The following DGKB variants were observed in gnomAD, a reference collection of about 807,000 sequenced individuals.
The protein encoded by DGKB is 90 kDa diacylglycerol kinase.
Under a neutral mutation model 114.3 loss-of-function variants are expected in DGKB, and 67 were observed. That is an observed-to-expected ratio of 0.59 (90% CI 0.48 to 0.72). DGKB has a LOEUF of 0.72. Ranked by LOEUF, DGKB falls within the 30% of genes least tolerant of loss-of-function variation. DGKB has a pLI of 0.00. For synonymous variants in DGKB, 398 were observed against 323.1 expected (o/e 1.23, Z -2.49); for missense variants, 907 against 975.2 (o/e 0.93, Z 0.93).
chr7:14,206,531 G>A (rs576798636), intron 23 of DGKB, among the ~76,000 whole-genome samples: 1 of 152,110 alleles, frequency 6.6e-6, no homozygotes, highest in Admixed American at 6.6e-5. Context: ...AATAAGGCAA[G>A]CAATACCTGG....
intron 23 of DGKB, among the ~76,000 whole-genome samples, chr7:14,241,741 G>A (rs530223353): frequency 6.6e-6 from 1 of 151,852 alleles, no homozygotes; most frequent in South Asian, 2.1e-4. Flanking sequence ...TAACAGAAAA[G>A]GAGAACATTA....
intron 5 of DGKB, among the ~76,000 whole-genome samples, chr7:14,727,920 A>G (rs749917808): frequency 3.3e-5 from 5 of 152,226 alleles, no homozygotes; most frequent in Non-Finnish European, 5.9e-5. Context: ...CAGTAAGTCT[A>G]TTTGGTGAAA....
chr7:14,466,690 C>A (rs1184659437), intron 21 of DGKB, among the ~76,000 whole-genome samples: 6 of 151,070 alleles, frequency 4.0e-5, no homozygotes, highest in Non-Finnish European at 7.4e-5. Context: ...TGGTGGTGCA[C>A]ATCTGTAGTC....
chr7:14,357,071 T>C (rs1464737556), intron 21 of DGKB, among the ~76,000 whole-genome samples: 1 of 152,228 alleles, frequency 6.6e-6, no homozygotes, highest in Non-Finnish European at 1.5e-5. Context: ...ATGTATATTC[T>C]GTTGATTTGG....
chr7:14,603,873 T>C (rs1232742225), intron 17 of DGKB, among the ~76,000 whole-genome samples: 4 of 152,134 alleles, frequency 2.6e-5, no homozygotes, highest in Admixed American at 2.6e-4. Context: ...AAACCATCTG[T>C]ATTTTCATGA....
intron 25 of DGKB, among the ~76,000 whole-genome samples, chr7:14,166,501 G>A (rs1486606032): frequency 6.6e-6 from 1 of 152,178 alleles, no homozygotes; most frequent in Non-Finnish European, 1.5e-5. Flanking sequence ...CTGATGGAGA[G>A]AATTTAGCCA....
intron 2 of DGKB, among the ~76,000 whole-genome samples, chr7:14,761,156 CTG>C (rs1473517943): frequency 6.6e-6 from 1 of 152,130 alleles, no homozygotes; most frequent in Non-Finnish European, 1.5e-5. Flanking sequence ...AGTTTGGAAA[CTG>C]GAGCATTATC....
intron 1 of DGKB, among the ~76,000 whole-genome samples, chr7:14,921,998 A>C (rs138625737): frequency 6.6e-6 from 1 of 152,128 alleles, no homozygotes; most frequent in Admixed American, 6.6e-5. Context: ...GAACTGTAAA[A>C]ATCTTTACCA....
intron 2 of DGKB, among the ~76,000 whole-genome samples, chr7:14,840,884 C>T (rs1586844425): frequency 6.6e-6 from 1 of 152,076 alleles, no homozygotes; most frequent in African/African-American, 2.4e-5. Flanking sequence ...TACAGTATTA[C>T]CACTCTCCAT....
At chr7:14,814,656 C>G (rs749613143) in intron 2 of DGKB, among the ~76,000 whole-genome samples, 70 of 152,150 alleles carry the variant, frequency 4.6e-4, no homozygotes, top group Non-Finnish European at 6.5e-4. Context: ...ATTTCCCACT[C>G]AACATTCAAC....
chr7:14,685,715 A>G (rs1821563663), intron 9 of DGKB, among the ~76,000 whole-genome samples: 1 of 152,164 alleles, frequency 6.6e-6, no homozygotes, highest in African/African-American at 2.4e-5. Flanking sequence ...ATAAATAAAT[A>G]AAGAGAAAGA....
chr7:14,281,751 C>T (rs1253509737), intron 23 of DGKB, among the ~76,000 whole-genome samples: 1 of 152,078 alleles, frequency 6.6e-6, no homozygotes, highest in Non-Finnish European at 1.5e-5. Flanking sequence ...CAACCTGCTC[C>T]TGAATGACTG....
rs530471024 is a variant in DGKB at position 14,863,027 on chromosome 7, A to G, written c.-187-21577T>C. ...TCACAATAGCAACATTTGTATAAAA[A>G]GTCAGGAAATGTAAATTTGGTCATG... On this transcript the variant is annotated intron_variant, in intron 1 of 25. Transcript: ENST00000402815. Among the ~76,000 whole-genome samples, 27 of 152,200 alleles carry G rather than the reference A, an allele frequency of 1.8e-4. No homozygotes were observed. The South Asian group carries it at 5.4e-3, about 30-fold the overall frequency.
rs34868404 is a variant in DGKB at position 14,713,634 on chromosome 7, C to CT, written c.466+4907dup. Reference sequence around the variant, plus strand: ...TAATTAATAACCACCCTCTCTTGGTCTTTTTTTTTTTTTCATTGTCAAACT... The same window carrying CT: ...TAATTAATAACCACCCTCTCTTGGTCTTTTTTTTTTTTTTCATTGTCAAACT... On this transcript the variant is annotated intron_variant, in intron 6 of 25. Transcript: ENST00000402815. Among the ~76,000 whole-genome samples, 750 of 144,230 alleles carry CT rather than the reference C, an allele frequency of 5.2e-3. 6 individuals are homozygous for CT. Among genetic ancestry groups the CT allele is most frequent in the Middle Eastern group, 0.012 (3 of 260 alleles). 94.6% of individuals were successfully genotyped at this position (144,230 alleles called of 152,430 possible).
intron 1 of DGKB, among the ~76,000 whole-genome samples, chr7:14,878,475 G>A (rs751870850): frequency 7.2e-5 from 11 of 152,134 alleles, no homozygotes; most frequent in Non-Finnish European, 1.6e-4. Context: ...GCCAGGCACC[G>A]TGGCTCACAC....
intron 13 of DGKB, among the ~76,000 whole-genome samples, chr7:14,669,943 T>C (rs1022465095): frequency 1.3e-5 from 2 of 152,126 alleles, no homozygotes; most frequent in Non-Finnish European, 2.9e-5. Flanking sequence ...TGAAGTAACA[T>C]GATGTTAAAC....
chr7:14,630,144 T>G (rs1809421901), intron 14 of DGKB, 92 bp downstream of exon 14: 1 of 734,864 alleles, frequency 1.4e-6, no homozygotes, highest in Admixed American at 3.9e-5. Flanking sequence ...TATTCGAATG[T>G]CACTGAGCCA....
Position 14,148,199 on chromosome 7 carries a change from CTCACT to C in DGKB, c.*927_*931del, listed in dbSNP as rs1338910264. The C allele has an allele frequency of 1.3e-5, 2 of 152,586 alleles. No homozygotes were observed. The highest frequency in any genetic ancestry group is 2.4e-5 in the African/African-American group (1 of 41,442). The allele number at this position is 152,586 out of a possible 1,614,324, so 9.5% of individuals were successfully genotyped here. The stretch of plus-strand genomic sequence containing the variant: ...AATTTTAATCATAATTAATGGGCAA[CTCACT>C]CGCTTTCCAGCATTTTAGTCATCAC... On this transcript the variant is annotated 3_prime_UTR_variant, in exon 26 of 26. Coordinates refer to ENST00000402815, the MANE Select transcript of DGKB (RefSeq NM_001350709.2).
At chr7:14,598,840 T>C (rs942567157) in intron 17 of DGKB, among the ~76,000 whole-genome samples, 7 of 152,188 alleles carry the variant, frequency 4.6e-5, no homozygotes, top group Non-Finnish European at 8.8e-5. Context: ...TTTTCTCACA[T>C]ACATTTCATG....
Sources: allele counts gnomAD v4.1 joint callset (sites outside exome capture counted in the v4.1 genomes callset), GRCh38; gene constraint gnomAD v4.1.1; transcripts MANE v1.5; gene names NCBI Gene and HGNC (gene_info 2026-07-23, HGNC 2026-07-21).